POPDC3: variants seen among roughly 807,000 people sequenced by gnomAD.
POPDC3 encodes the protein popeye domain cAMP effector 3.
In POPDC3, 20 loss-of-function variants were observed where a neutral mutation model predicts 28.2. That is an observed-to-expected ratio of 0.71 (90% CI 0.50 to 1.03). The LOEUF (loss-of-function observed/expected upper bound fraction) is 1.03. Ranked by LOEUF, POPDC3 falls within the 50% of genes least tolerant of loss-of-function variation. The pLI is 0.00. For synonymous variants in POPDC3, 118 were observed against 124.1 expected (o/e 0.95, Z 0.33); for missense variants, 316 against 345.9 (o/e 0.91, Z 0.69).
intron 1 of POPDC3, among the ~76,000 whole-genome samples, chr6:105,176,627 G>T (rs778354431): frequency 6.6e-6 from 1 of 152,034 alleles, no homozygotes; most frequent in Non-Finnish European, 1.5e-5. Context: ...CGCGATCTCA[G>T]CTCACTGCAA....
At chr6:105,171,128 A>AT (rs1774568824) in intron 1 of POPDC3, among the ~76,000 whole-genome samples, 1 of 152,146 alleles carries the variant, frequency 6.6e-6, no homozygotes, top group Non-Finnish European at 1.5e-5. Flanking sequence ...ATGTGTTTGC[A>AT]TTTTGCATTT....
intron 1 of POPDC3, chr6:105,177,141 A>G (rs1265924639): frequency 4.7e-6 from 1 of 213,444 alleles, no homozygotes; most frequent in East Asian, 1.8e-4. Flanking sequence ...ATAATAAAAA[A>G]TATTCCACAC....
At chr6:105,164,471 C>A (rs1446565856) in intron 1 of POPDC3, among the ~76,000 whole-genome samples, 1 of 152,198 alleles carries the variant, frequency 6.6e-6, no homozygotes, top group Admixed American at 6.5e-5. Context: ...CTCAATGCAG[C>A]GTGCTGACTT....
At chr6:105,162,740 T>G (rs1375292468) in intron 1 of POPDC3, among the ~76,000 whole-genome samples, 3 of 152,122 alleles carry the variant, frequency 2.0e-5, no homozygotes, top group Non-Finnish European at 2.9e-5. Flanking sequence ...TATTAATACA[T>G]ATATATATTT....
intron 1 of POPDC3, chr6:105,179,322 C>A: frequency 1.1e-6 from 1 of 916,286 alleles, no homozygotes; most frequent in Non-Finnish European, 1.3e-6. Context: ...CCAGTCAGGC[C>A]CTTTGCTTAC....
At chr6:105,177,743 A>C (rs2114551605) in intron 1 of POPDC3, among the ~76,000 whole-genome samples, 1 of 152,272 alleles carries the variant, frequency 6.6e-6, no homozygotes, top group South Asian at 2.1e-4. Context: ...ATACTACCCC[A>C]CAACACCTTC....
At chr6:105,174,828 C>A (rs1774652494) in intron 1 of POPDC3, among the ~76,000 whole-genome samples, 1 of 152,192 alleles carries the variant, frequency 6.6e-6, no homozygotes, top group African/African-American at 2.4e-5. Context: ...GGTAAAAGAA[C>A]CAGTGATTCA....
Position 105,168,093 on chromosome 6 carries a change from C to G in POPDC3, c.-251-5933G>C, listed in dbSNP as rs746010941. Among the ~76,000 whole-genome samples, 6 of 152,330 alleles carry G rather than the reference C, an allele frequency of 3.9e-5. No individual in the cohort carries two copies. In the South Asian group the frequency reaches 1.2e-3, roughly 32 times the overall value. ...TGTAAATGGTATTGGTTACAACATT[C>G]ATATGCTGCCATCAGTCAGATGTTA... On this transcript the variant is annotated intron_variant, in intron 1 of 3. Transcript: ENST00000254765.
chr6:105,161,875 A>G lies in POPDC3; in HGVS notation c.35T>C (p.Ile12Thr), dbSNP rs370257063. ...ERNSSLWKNL[I>T]DEHPVCTTWK... ...GGTTGTGCAGACTGGGTGTTCATCT[A>G]TTAGGTTCTTCCATAAACTTGAATT... Residue 12 changes from isoleucine to threonine, a missense_variant, in exon 2 of 4, where the codon ATA becomes ACA. By Grantham distance (89) the Ile-to-Thr change is moderately conservative (BLOSUM62 -1). Transcript: ENST00000254765. 8.7e-6 allele frequency: 14 copies of G among 1,607,416 alleles called. No individual in the cohort carries two copies. Among genetic ancestry groups the G allele is most frequent in the Admixed American group, 1.7e-5 (1 of 58,348 alleles).
At chr6:105,179,244 G>A in intron 1 of POPDC3, 3 of 985,396 alleles carry the variant, frequency 3.0e-6, no homozygotes, top group Non-Finnish European at 3.6e-6. Context: ...AAACAGGTCC[G>A]CGCGACCTTT....
rs1463465337 is a variant in POPDC3 at position 105,162,110 on chromosome 6, G to T, written c.-201C>A. 2 of 1,308,716 alleles carry T rather than the reference G, an allele frequency of 1.5e-6. No individual in the cohort carries two copies. The highest frequency in any genetic ancestry group is 1.9e-6 in the Non-Finnish European group (2 of 1,034,722). 81.1% of individuals were successfully genotyped at this position (1,308,716 alleles called of 1,614,324 possible). On this transcript the variant is annotated 5_prime_UTR_variant, in exon 2 of 4. Coordinates refer to ENST00000254765, the MANE Select transcript of POPDC3 (RefSeq NM_022361.5). The stretch of plus-strand genomic sequence containing the variant: ...AAGAATCCCATGCTCGCTTCTTTAA[G>T]TTCATCTGGGCTCCTGATTTGGATC...
chr6:105,158,385 AGCTCTTT>A lies in POPDC3; in HGVS notation c.*78_*84del. 8.8e-7 allele frequency: 1 copy of A among 1,141,704 alleles called. No individual in the cohort carries two copies. The highest frequency in any genetic ancestry group is 2.5e-5 in the Admixed American group (1 of 39,590). 70.7% of individuals were successfully genotyped at this position (1,141,704 alleles called of 1,614,324 possible). ...AATTTGATTTATAAAAACATTAGGG[AGCTCTTT>A]TTTTGTATTTTGCTATTTCACTGGG... On this transcript the variant is annotated 3_prime_UTR_variant, in exon 4 of 4. Coordinates refer to ENST00000254765, the MANE Select transcript of POPDC3 (RefSeq NM_022361.5).
chr6:105,165,605 G>A (rs1031340249), intron 1 of POPDC3, among the ~76,000 whole-genome samples: 2 of 152,194 alleles, frequency 1.3e-5, no homozygotes, highest in African/African-American at 2.4e-5. Flanking sequence ...AAATGTCCAA[G>A]ATGTTTAAGT....
chr6:105,169,465 T>C (rs1774530156), intron 1 of POPDC3: 1 of 152,176 alleles, frequency 6.6e-6, no homozygotes, highest in Admixed American at 6.5e-5. Context: ...TATACCAATC[T>C]CCAAAATTCC....
intron 1 of POPDC3, among the ~76,000 whole-genome samples, chr6:105,175,579 A>G (rs1774669259): frequency 6.6e-6 from 1 of 151,780 alleles, no homozygotes; most frequent in African/African-American, 2.4e-5. Flanking sequence ...GCAGTGGCTC[A>G]TGCCTGTAAT....
At chr6:105,166,868 TTGTGTGTGTGTG>T (rs5878839) in intron 1 of POPDC3, among the ~76,000 whole-genome samples, 2 of 148,948 alleles carry the variant, frequency 1.3e-5, no homozygotes, top group African/African-American at 2.5e-5. Flanking sequence ...ACATAGATGG[TTGTGTGTGTGTG>T]TGTGTGTGTG....
At chr6:105,162,758 C>A (rs1314573108) in intron 1 of POPDC3, among the ~76,000 whole-genome samples, 1 of 152,152 alleles carries the variant, frequency 6.6e-6, no homozygotes, top group Non-Finnish European at 1.5e-5. Context: ...TTTGCAGATT[C>A]ATGGACTGCT....
At chr6:105,174,895 G>A (rs946184007) in intron 1 of POPDC3, among the ~76,000 whole-genome samples, 19 of 152,198 alleles carry the variant, frequency 1.2e-4, no homozygotes, top group African/African-American at 1.7e-4. Context: ...ATGGCCAGGC[G>A]TGGTGTCTCA....
At chr6:105,160,503 C>T (rs1258512544) in intron 2 of POPDC3, among the ~76,000 whole-genome samples, 5 of 152,068 alleles carry the variant, frequency 3.3e-5, no homozygotes, top group East Asian at 1.9e-4. Context: ...CGTGAGCCAC[C>T]GCGCCTGGCC....
Sources: gnomAD v4.1 joint callset for allele counts (sites outside exome capture counted in the v4.1 genomes callset) on GRCh38, gnomAD v4.1.1 for gene constraint, MANE v1.5 for transcripts, NCBI Gene and HGNC (gene_info 2026-07-23, HGNC 2026-07-21) for gene names.